The following TMLHE variants were observed in gnomAD, a reference collection of about 807,000 sequenced individuals.
TMLHE encodes trimethyllysine dioxygenase, mitochondrial.
In TMLHE, 18 loss-of-function variants were observed where a neutral mutation model predicts 25.7. The observed-to-expected ratio is 0.70, with a 90% CI of 0.48 to 1.04. The LOEUF is 1.04. Among genes scored for constraint, TMLHE ranks in the 50% least tolerant of loss-of-function variants. The pLI is 0.00. For missense variants in TMLHE, 236 were observed against 259.0 expected, an observed-to-expected ratio of 0.91 and a Z score of 0.61; for synonymous variants, 105 against 97.0, an observed-to-expected ratio of 1.08 and a Z score of -0.49.
intron 6 of TMLHE, among the ~76,000 whole-genome samples, chrX:155,504,342 C>T (rs1332035006): frequency 8.2e-5 from 6 of 73,101 alleles, no homozygotes; most frequent in African/African-American, 3.1e-4. Flanking sequence ...AAAATATCAC[C>T]GTAAGATACC....
chrX:155,581,370 G>T (rs2067627070), intron 1 of TMLHE, among the ~76,000 whole-genome samples: 2 of 112,086 alleles, frequency 1.8e-5, no homozygotes, highest in East Asian at 2.8e-4. Context: ...ATTAGGAAAA[G>T]AGGAAGTGAA....
In TMLHE at chrX:155,490,071, C is replaced by T. The variant is rs1251739901; in HGVS notation, c.*1464G>A. On this transcript the variant is annotated 3_prime_UTR_variant, in exon 8 of 8. Coordinates refer to ENST00000334398, the MANE Select transcript of TMLHE (RefSeq NM_018196.4). ...TGCCCCCCACCCGCCCCCGCCAATA[C>T]GTAAAAGAAGCCATTTAAAAAATAA... 3.4e-4 allele frequency: 11 copies of T among 32,229 alleles called. No homozygotes were observed. The highest frequency in any genetic ancestry group is 1.1e-3 in the African/African-American group (11 of 10,271). The allele number at this position is 32,229 out of a possible 1,213,427, so 2.7% of individuals were successfully genotyped here.
intron 1 of TMLHE, among the ~76,000 whole-genome samples, chrX:155,548,701 CTCCAGCCTGGGCGA>C (rs2067386144): frequency 9.3e-6 from 1 of 107,293 alleles, no homozygotes; most frequent in Admixed American, 9.9e-5. Flanking sequence ...TGCCACTGCA[CTCCAGCCTGGGCGA>C]CAGAGTGAGA....
At chrX:155,601,159 CAG>C (rs2067754191) in intron 1 of TMLHE, among the ~76,000 whole-genome samples, 2 of 111,835 alleles carry the variant, frequency 1.8e-5, no homozygotes, top group South Asian at 7.4e-4. Flanking sequence ...TACACAAAGA[CAG>C]AGAATTCATT....
intron 1 of TMLHE, among the ~76,000 whole-genome samples, chrX:155,604,414 G>A (rs1402458648): frequency 9.0e-6 from 1 of 111,453 alleles, no homozygotes; most frequent in Non-Finnish European, 1.9e-5. Context: ...CCCTGGCTCG[G>A]GCCCACAATG....
intron 3 of TMLHE, among the ~76,000 whole-genome samples, chrX:155,514,680 T>C (rs1017340057): frequency 4.5e-5 from 5 of 110,495 alleles, no homozygotes; most frequent in Non-Finnish European, 9.5e-5. Flanking sequence ...CTAATCTTTA[T>C]TTTACAGATG....
At chrX:155,516,007 TTTC>T (rs1295258593) in intron 3 of TMLHE, among the ~76,000 whole-genome samples, 5 of 13,812 alleles carry the variant, frequency 3.6e-4, no homozygotes, top group African/African-American at 6.6e-4. Context: ...CAATTGTACT[TTTC>T]TTCTTTTTTT....
chrX:155,512,992 G>C (rs782359893), intron 4 of TMLHE, among the ~76,000 whole-genome samples: 1 of 111,490 alleles, frequency 9.0e-6, no homozygotes, highest in African/African-American at 3.3e-5. Context: ...AATAGGAAAT[G>C]CTCTTCCTTT....
intron 2 of TMLHE, 58 bp from the exon 3 acceptor site, chrX:155,524,690 C>T: frequency 9.4e-7 from 1 of 1,065,852 alleles, no homozygotes; most frequent in Non-Finnish European, 1.2e-6. Context: ...AAAAAATCAG[C>T]ATCCAGAAAA....
chrX:155,533,981 G>T (rs1325187183), intron 2 of TMLHE, among the ~76,000 whole-genome samples: 1 of 111,731 alleles, frequency 9.0e-6, no homozygotes, highest in Non-Finnish European at 1.9e-5. Flanking sequence ...AAGTATGTTT[G>T]AAAGAGAATA....
At chrX:155,511,017 C>T (rs112229096) in intron 5 of TMLHE, among the ~76,000 whole-genome samples, 21 of 111,332 alleles carry the variant, frequency 1.9e-4, no homozygotes, top group African/African-American at 5.5e-4. Context: ...TGAGCATTTT[C>T]TCATGTGTTT....
At position 155,570,878 on chromosome X, in the gene TMLHE, C is replaced by G. The variant is rs1259587016; in HGVS notation, c.-1-25601G>C. ...TAGCACTAAATACCCACAAGAGAAG[C>G]AGGAAAGATCCAAAATTGACACCCT... On this transcript the variant is annotated intron_variant, in intron 1 of 7. Coordinates refer to ENST00000334398, the MANE Select transcript of TMLHE (RefSeq NM_018196.4). Among the ~76,000 whole-genome samples the G allele has an allele frequency of 5.2e-5, 3 of 57,303 alleles. 1 individual carries two copies. The highest frequency in any genetic ancestry group is 1.4e-4 in the Non-Finnish European group (3 of 22,015). 49.8% of individuals were successfully genotyped at this position (57,303 alleles called of 115,157 possible).
intron 1 of TMLHE, among the ~76,000 whole-genome samples, chrX:155,572,109 C>T (rs1163508516): frequency 3.6e-5 from 2 of 54,911 alleles, no homozygotes; most frequent in African/African-American, 8.9e-5. Context: ...CCAAAATCTC[C>T]TTAAGCTGAT....
chrX:155,543,418 CA>C (rs1440998706), intron 2 of TMLHE, among the ~76,000 whole-genome samples: 4 of 111,151 alleles, frequency 3.6e-5, no homozygotes, highest in Non-Finnish European at 7.6e-5. Flanking sequence ...ATCAAGAAAA[CA>C]ATGCTATTTG....
chrX:155,593,730 C>T (rs1296862049), intron 1 of TMLHE, among the ~76,000 whole-genome samples: 4 of 109,425 alleles, frequency 3.7e-5, no homozygotes, highest in Non-Finnish European at 7.6e-5. Context: ...AGAAGGCTGA[C>T]GAAGAAATAG....
intron 1 of TMLHE, among the ~76,000 whole-genome samples, chrX:155,567,168 G>A (rs1467774590): frequency 9.6e-5 from 6 of 62,415 alleles, no homozygotes; most frequent in African/African-American, 1.8e-4. Flanking sequence ...GGGAATGGCC[G>A]CAGTTGGAAA....
At chrX:155,548,389 C>A (rs1272938770) in intron 1 of TMLHE, among the ~76,000 whole-genome samples, 1 of 111,979 alleles carries the variant, frequency 8.9e-6, no homozygotes, top group Non-Finnish European at 1.9e-5. Context: ...AAACTGGCAG[C>A]AGGTATCTGA....
chrX:155,592,623 TC>T (rs782791576), intron 1 of TMLHE, among the ~76,000 whole-genome samples: 4 of 111,313 alleles, frequency 3.6e-5, no homozygotes, highest in Non-Finnish European at 5.7e-5. Context: ...TCCAAGATGC[TC>T]CCCAGGAAGC....
chrX:155,512,751 T>C, intron 4 of TMLHE, among the ~76,000 whole-genome samples: 1 of 111,832 alleles, frequency 8.9e-6, no homozygotes, highest in South Asian at 3.7e-4. Flanking sequence ...TTAATGTAGA[T>C]CCTCACTCAT....
Sources: gnomAD v4.1 joint callset for allele counts (sites outside exome capture counted in the v4.1 genomes callset) on GRCh38, gnomAD v4.1.1 for gene constraint, MANE v1.5 for transcripts, NCBI Gene and HGNC (gene_info 2026-07-23, HGNC 2026-07-21) for gene names.